NEGR1: variants seen among roughly 807,000 people sequenced by gnomAD.
The protein encoded by NEGR1 is IgLON family member 4.
Under a neutral mutation model 40.9 loss-of-function variants are expected in NEGR1, and 10 were observed. The observed-to-expected ratio is 0.24, with a 90% confidence interval of 0.15 to 0.42. The LOEUF (loss-of-function observed/expected upper bound fraction) is 0.42. Among genes scored for constraint, NEGR1 ranks in the 10% least tolerant of loss-of-function variants. NEGR1 has a pLI of 1.00. For synonymous variants in NEGR1, 185 were observed against 166.8 expected, an observed-to-expected ratio of 1.11 and a Z score of -0.84; for missense variants, 352 against 438.9, an observed-to-expected ratio of 0.80 and a Z score of 1.77.
chr1:72,002,858 CG>C (rs1557478351), intron 1 of NEGR1, among the ~76,000 whole-genome samples: 1 of 152,060 alleles, frequency 6.6e-6, no homozygotes. Flanking sequence ...AAGGACACAT[CG>C]AATGTAAAAT....
chr1:71,784,268 G>C (rs1656824907), intron 2 of NEGR1, among the ~76,000 whole-genome samples: 1 of 151,900 alleles, frequency 6.6e-6, no homozygotes, highest in Non-Finnish European at 1.5e-5. Context: ...TGGAAACACT[G>C]ATTTACAGAA....
At chr1:71,545,050 A>G (rs1175557497) in intron 6 of NEGR1, among the ~76,000 whole-genome samples, 1 of 151,658 alleles carries the variant, frequency 6.6e-6, no homozygotes, top group Admixed American at 6.6e-5. Context: ...CAGAAAGACT[A>G]TTAATTATTA....
In NEGR1 at chr1:72,001,702, T is replaced by C. The variant is rs140094360; in HGVS notation, c.177-66391A>G. Among the ~76,000 whole-genome samples, 917 of 151,002 alleles carry C rather than the reference T, an allele frequency of 6.1e-3. 3 individuals are homozygous for C. The highest frequency in any genetic ancestry group is 8.7e-3 in the Non-Finnish European group (587 of 67,762). On this transcript the variant is annotated intron_variant, in intron 1 of 6. Transcript: ENST00000357731. ...ATTACGAACATCACATGCAATCTTA[T>C]AGATAGTATAATAGCTAGAGTAACC... is the stretch of plus-strand genomic sequence containing the variant.
intron 3 of NEGR1, among the ~76,000 whole-genome samples, chr1:71,734,738 G>C (rs1654993439): frequency 6.6e-6 from 1 of 151,914 alleles, no homozygotes. Flanking sequence ...CTTACCACTA[G>C]TGTACCACTG....
chr1:72,113,230 G>A (rs1445280859), intron 1 of NEGR1, among the ~76,000 whole-genome samples: 2 of 151,658 alleles, frequency 1.3e-5, no homozygotes, highest in African/African-American at 4.8e-5. Context: ...TGCTACATGA[G>A]ACTCTAAAAC....
rs143898243 is a variant in NEGR1, at chr1:72,142,356, C to G, written c.176+139963G>C. Among the ~76,000 whole-genome samples, 26 of 151,772 alleles carry G rather than the reference C, an allele frequency of 1.7e-4. 1 individual carries two copies. The East Asian group carries it at 4.8e-3, about 28-fold the overall frequency. ...GAGATTGATCTTTCACATAAGTAAA[C>G]CAATTTTCAGCTATTGAATATAATT... On this transcript the variant is annotated intron_variant, in intron 1 of 6. Transcript: ENST00000357731.
intron 3 of NEGR1, among the ~76,000 whole-genome samples, chr1:71,702,561 A>T (rs1403896378): frequency 6.6e-6 from 1 of 152,068 alleles, no homozygotes; most frequent in Non-Finnish European, 1.5e-5. Flanking sequence ...AATGTAAGTT[A>T]AAAAGTATTA....
intron 1 of NEGR1, among the ~76,000 whole-genome samples, chr1:72,227,376 A>T (rs997646746): frequency 6.6e-6 from 1 of 152,058 alleles, no homozygotes; most frequent in African/African-American, 2.4e-5. Context: ...CTTTAAGAGT[A>T]GGTGGACTGA....
chr1:72,126,760 G>T (rs939274612), intron 1 of NEGR1, among the ~76,000 whole-genome samples: 1 of 152,118 alleles, frequency 6.6e-6, no homozygotes, highest in Non-Finnish European at 1.5e-5. Flanking sequence ...ATTATTCATT[G>T]CATGAGCTTC....
At chr1:71,481,590 C>T (rs1168392849) in intron 6 of NEGR1, among the ~76,000 whole-genome samples, 5 of 151,752 alleles carry the variant, frequency 3.3e-5, no homozygotes. Context: ...GATTTTTATA[C>T]GAATAGTCTA....
chr1:71,837,497 A>T (rs563784774), intron 2 of NEGR1, among the ~76,000 whole-genome samples: 43 of 152,126 alleles, frequency 2.8e-4, no homozygotes, highest in African/African-American at 1.0e-3. Flanking sequence ...CATTTTGTTG[A>T]TGTTAAATAC....
rs550265085 is a variant in NEGR1, at chr1:71,936,650, A to C, written c.177-1339T>G. Reference sequence around the variant, plus strand: ...TCAGGGAACTACAAATAACCATGAGATATATGGTAAAAGGCATGAGAGATG... The same window carrying C: ...TCAGGGAACTACAAATAACCATGAGCTATATGGTAAAAGGCATGAGAGATG... On this transcript the variant is annotated intron_variant, in intron 1 of 6. Transcript: ENST00000357731. 9.4e-4 allele frequency among the ~76,000 whole-genome samples: 143 copies of C among 152,318 alleles called. 2 individuals are homozygous for C. Among genetic ancestry groups the C allele is most frequent in the Admixed American group, 2.6e-3 (40 of 15,294 alleles).
At position 71,581,390 on chromosome 1, in the gene NEGR1, A is replaced by C. The variant is rs552794672; in HGVS notation, c.940+11427T>G. Among the ~76,000 whole-genome samples the C allele has an allele frequency of 1.1e-3, 172 of 152,324 alleles. 1 individual carries two copies. Among genetic ancestry groups the C allele is most frequent in the African/African-American group, 4.0e-3 (168 of 41,568 alleles). On this transcript the variant is annotated intron_variant, in intron 6 of 6. Coordinates refer to ENST00000357731, the MANE Select transcript of NEGR1 (RefSeq NM_173808.3). The stretch of plus-strand genomic sequence containing the variant: ...TAATGTCGACACAAAAAATTGGGGA[A>C]ATTTTCTTGCAGTATTCCAAAACTA...
chr1:72,170,478 G>T (rs559135093), intron 1 of NEGR1, among the ~76,000 whole-genome samples: 4 of 152,140 alleles, frequency 2.6e-5, no homozygotes, highest in Non-Finnish European at 5.9e-5. Flanking sequence ...TCTGGCACAT[G>T]ATAGGTATTC....
intron 5 of NEGR1, among the ~76,000 whole-genome samples, chr1:71,595,387 T>A (rs943257441): frequency 7.2e-5 from 11 of 152,354 alleles, no homozygotes; most frequent in Admixed American, 5.9e-4. Context: ...TTGTGTGTTT[T>A]AGAAGTGCTA....
chr1:71,838,589 A>G (rs139825156), intron 2 of NEGR1, among the ~76,000 whole-genome samples: 2 of 152,272 alleles, frequency 1.3e-5, no homozygotes, highest in Non-Finnish European at 1.5e-5. Flanking sequence ...AGTAGGAAAT[A>G]TAAAGGCATA....
At chr1:71,505,725 A>G (rs1647028423) in intron 6 of NEGR1, among the ~76,000 whole-genome samples, 1 of 152,208 alleles carries the variant, frequency 6.6e-6, no homozygotes, top group South Asian at 2.1e-4. Flanking sequence ...TAACTGGGAG[A>G]AAAACAACAG....
chr1:71,748,399 T>G (rs1220290734), intron 3 of NEGR1, among the ~76,000 whole-genome samples: 1 of 152,182 alleles, frequency 6.6e-6, no homozygotes, highest in African/African-American at 2.4e-5. Flanking sequence ...TCACTGAGTA[T>G]ATATATGTAT....
At chr1:71,551,061 TA>T (rs1648060587) in intron 6 of NEGR1, among the ~76,000 whole-genome samples, 2 of 151,608 alleles carry the variant, frequency 1.3e-5, no homozygotes, top group Admixed American at 1.3e-4. Context: ...TTTCTATGTA[TA>T]TTGTTTATAA....
Sources: allele counts gnomAD v4.1 joint callset (sites outside exome capture counted in the v4.1 genomes callset), GRCh38; gene constraint gnomAD v4.1.1; transcripts MANE v1.5; gene names NCBI Gene and HGNC (gene_info 2026-07-23, HGNC 2026-07-21).